GNG12: variants seen among roughly 807,000 people sequenced by gnomAD.
GNG12 encodes G protein subunit gamma 12, also known as guanine nucleotide-binding protein G(I)/G(S)/G(O) subunit gamma-12.
For missense variants in GNG12, 69 were observed against 83.8 expected (o/e 0.82, Z 0.69); for synonymous variants, 28 against 29.7 (o/e 0.94, Z 0.19).
intron 2 of GNG12, among the ~76,000 whole-genome samples, chr1:67,719,510 C>T (rs928560592): frequency 1.3e-5 from 2 of 152,084 alleles, no homozygotes; most frequent in African/African-American, 4.8e-5. Context: ...TAGCCACCGT[C>T]AAGCTTTCAA....
At chr1:67,790,958 T>C (rs1161478175) in intron 1 of GNG12, among the ~76,000 whole-genome samples, 5 of 152,198 alleles carry the variant, frequency 3.3e-5, no homozygotes, top group African/African-American at 9.6e-5. Flanking sequence ...CCACAAGGAT[T>C]ATTTCTTTAC....
intron 2 of GNG12, among the ~76,000 whole-genome samples, chr1:67,746,638 A>G (rs1450112764): frequency 1.3e-5 from 2 of 152,168 alleles, no homozygotes; most frequent in African/African-American, 2.4e-5. Flanking sequence ...TCTACCATCT[A>G]AAAAATACTG....
At chr1:67,803,234 T>C (rs1293948171) in intron 1 of GNG12, among the ~76,000 whole-genome samples, 2 of 151,720 alleles carry the variant, frequency 1.3e-5, no homozygotes, top group Non-Finnish European at 2.9e-5. Context: ...AGTTAGTTGG[T>C]TGGGCACAGT....
chr1:67,709,854 A>T (rs1313024094), intron 2 of GNG12, among the ~76,000 whole-genome samples: 31 of 121,552 alleles, frequency 2.6e-4, no homozygotes, highest in African/African-American at 5.4e-4. Context: ...ATATATATTT[A>T]TATATATATA....
At chr1:67,815,638 G>T (rs1049176345) in intron 1 of GNG12, among the ~76,000 whole-genome samples, 2 of 152,128 alleles carry the variant, frequency 1.3e-5, no homozygotes, top group Admixed American at 6.5e-5. Context: ...CCAATAATTT[G>T]TAAGTAGGAA....
intron 1 of GNG12, among the ~76,000 whole-genome samples, chr1:67,785,857 T>C (rs1375452483): frequency 1.3e-5 from 2 of 152,186 alleles, no homozygotes; most frequent in African/African-American, 2.4e-5. Flanking sequence ...TCTGTATAAA[T>C]ATGTAACTAT....
At chr1:67,728,633 C>T (rs1032742694) in intron 2 of GNG12, among the ~76,000 whole-genome samples, 13 of 152,086 alleles carry the variant, frequency 8.5e-5, no homozygotes, top group African/African-American at 1.4e-4. Flanking sequence ...AATATGCACA[C>T]GGGGAAGGGA....
intron 2 of GNG12, among the ~76,000 whole-genome samples, chr1:67,749,807 C>G (rs1306646769): frequency 6.6e-6 from 1 of 152,186 alleles, no homozygotes; most frequent in Non-Finnish European, 1.5e-5. Context: ...CTCTCCTGAT[C>G]TCCCTTCTCC....
At chr1:67,792,763 C>T (rs555983578) in intron 1 of GNG12, among the ~76,000 whole-genome samples, 1 of 152,172 alleles carries the variant, frequency 6.6e-6, no homozygotes, top group Non-Finnish European at 1.5e-5. Context: ...TTGGGCCTAG[C>T]AGCCACAGAA....
At chr1:67,706,300 C>T (rs894754660) in intron 3 of GNG12, among the ~76,000 whole-genome samples, 4 of 152,206 alleles carry the variant, frequency 2.6e-5, no homozygotes, top group African/African-American at 7.2e-5. Flanking sequence ...GCAGAACACA[C>T]TTTAAGAACT....
At chr1:67,798,174 A>G (rs1646843054) in intron 1 of GNG12, among the ~76,000 whole-genome samples, 1 of 152,198 alleles carries the variant, frequency 6.6e-6, no homozygotes, top group Non-Finnish European at 1.5e-5. Flanking sequence ...TGGGCTGCAC[A>G]GCATGAGGTG....
intron 2 of GNG12, among the ~76,000 whole-genome samples, chr1:67,725,910 C>A (rs563541412): frequency 6.6e-6 from 1 of 152,094 alleles, no homozygotes; most frequent in East Asian, 1.9e-4. Flanking sequence ...TTGAGTCAAA[C>A]AAAACATGAC....
intron 2 of GNG12, among the ~76,000 whole-genome samples, chr1:67,716,715 C>T (rs1182960940): frequency 6.6e-6 from 1 of 152,186 alleles, no homozygotes; most frequent in Non-Finnish European, 1.5e-5. Context: ...GCACTGAATA[C>T]AGAAGACATG....
Position 67,783,793 on chromosome 1 carries a change from G to A in GNG12, c.-76-6286C>T, listed in dbSNP as rs368498769. Among the ~76,000 whole-genome samples the A allele has an allele frequency of 1.4e-3, 206 of 152,100 alleles. 1 individual carries two copies. The highest frequency in any genetic ancestry group is 4.4e-3 in the African/African-American group (181 of 41,490). ...ACCATCTCACACCAGTTAGAATGGC[G>A]ATCATTAAAAAGTCAGGAAACAACA... On this transcript the variant is annotated intron_variant, in intron 1 of 3. Transcript: ENST00000370982.
rs560148692 is a variant in GNG12, at chr1:67,749,981, T to C, written c.-27+27477A>G. On this transcript the variant is annotated intron_variant, in intron 2 of 3. Coordinates refer to ENST00000370982, the MANE Select transcript of GNG12 (RefSeq NM_018841.6). The stretch of plus-strand genomic sequence containing the variant: ...AAAACACAAAGTTGGGCTCCAAACC[T>C]TGGGCACTCTCAGAAAGGCTATGAT... 9.2e-5 allele frequency among the ~76,000 whole-genome samples: 14 copies of C among 152,250 alleles called. No homozygotes were observed. The East Asian group carries it at 2.7e-3, about 29-fold the overall frequency.
At chr1:67,790,144 AG>A (rs1426474845) in intron 1 of GNG12, among the ~76,000 whole-genome samples, 1 of 152,212 alleles carries the variant, frequency 6.6e-6, no homozygotes, top group African/African-American at 2.4e-5. Flanking sequence ...ACAACTCAAC[AG>A]GAAGACAATT....
chr1:67,733,150 T>C (rs1009639122), intron 2 of GNG12, among the ~76,000 whole-genome samples: 2 of 152,198 alleles, frequency 1.3e-5, no homozygotes, highest in South Asian at 4.1e-4. Context: ...TCCTTCCCTC[T>C]TACTGCAAAG....
At chr1:67,823,111 C>A (rs1429970072) in intron 1 of GNG12, among the ~76,000 whole-genome samples, 1 of 152,156 alleles carries the variant, frequency 6.6e-6, no homozygotes, top group Non-Finnish European at 1.5e-5. Context: ...CCAATTCAGA[C>A]AGTAAACAAC....
chr1:67,820,355 C>A (rs1184938959), intron 1 of GNG12, among the ~76,000 whole-genome samples: 2 of 150,804 alleles, frequency 1.3e-5, no homozygotes, highest in Non-Finnish European at 2.9e-5. Flanking sequence ...ATACTCCAGC[C>A]TGGATGACAG....
Sources: allele counts gnomAD v4.1 joint callset (sites outside exome capture counted in the v4.1 genomes callset), GRCh38; gene constraint gnomAD v4.1.1; transcripts MANE v1.5; gene names NCBI Gene and HGNC (gene_info 2026-07-23, HGNC 2026-07-21).